IFT172: variants seen among roughly 807,000 people sequenced by gnomAD.
IFT172 encodes the protein intraflagellar transport 172, also known as intraflagellar transport protein 172 homolog.
A neutral mutation model predicts 248.9 loss-of-function variants in IFT172; 164 were observed. That is an observed-to-expected ratio of 0.66 (90% confidence interval 0.58 to 0.75). The LOEUF (loss-of-function observed/expected upper bound fraction) is 0.75. IFT172 is among the 30% of genes least tolerant of loss of function. IFT172 has a pLI of 0.00. For missense variants in IFT172, 1,950 were observed against 2,192.4 expected (o/e 0.89, Z 2.21); for synonymous variants, 729 against 791.6 (o/e 0.92, Z 1.33).
intron 25 of IFT172, 182 bp downstream of exon 25, chr2:27,459,195 TA>T: frequency 1.4e-6 from 1 of 735,280 alleles, no homozygotes; most frequent in Non-Finnish European, 2.2e-6. Flanking sequence ...TGAAGGGCGA[TA>T]TCTGTGTCAC....
intron 14 of IFT172, among the ~76,000 whole-genome samples, chr2:27,474,900 G>A (rs1667855374): frequency 6.6e-6 from 1 of 151,946 alleles, no homozygotes; most frequent in Admixed American, 6.6e-5. Context: ...ATTTTAAAGT[G>A]AAATGTCTGA....
chr2:27,477,122 G>A, intron 13 of IFT172, 95 bp downstream of exon 13: 1 of 1,136,090 alleles, frequency 8.8e-7, no homozygotes, highest in South Asian at 1.3e-5. Flanking sequence ...ACCACACCTG[G>A]CTGAAGCTTT....
chr2:27,452,004 TA>T (rs1665720313), intron 35 of IFT172, among the ~76,000 whole-genome samples: 1 of 151,790 alleles, frequency 6.6e-6, no homozygotes, highest in South Asian at 2.1e-4. Context: ...TATATATATA[TA>T]TATGTTATTG....
chr2:27,478,301 G>A, intron 10 of IFT172, 145 bp from the exon 11 acceptor site: 1 of 860,446 alleles, frequency 1.2e-6, no homozygotes, highest in Non-Finnish European at 1.8e-6. Context: ...TGATAGTAAT[G>A]ATATCTTATG....
rs967617779 is a variant in IFT172 at position 27,461,001 on chromosome 2, T to A, written c.2521+14A>T. 8 of 1,614,030 alleles carry A rather than the reference T, an allele frequency of 5.0e-6. No homozygotes were observed. In the African/African-American group the frequency reaches 9.3e-5, roughly 19 times the overall value. ...GTCCACAACAGTAAAGGATGGCTTA[T>A]AGGTGGCTAGTACCTTTCATGAATG... On this transcript the variant is annotated intron_variant, in intron 23 of 47. Coordinates refer to ENST00000260570, the MANE Select transcript of IFT172 (RefSeq NM_015662.3).
In IFT172 at chr2:27,483,628, G is replaced by C. The variant is rs1440225222; in HGVS notation, c.434C>G (p.Ser145Ter). Residue 145 changes from serine to a stop codon, truncating the protein, a stop_gained, in exon 6 of 48, where the codon TCA (serine) becomes TGA (stop). Coordinates refer to ENST00000260570, the MANE Select transcript of IFT172 (RefSeq NM_015662.3). LOFTEE classifies it high-confidence loss of function. ...VRLANTKTNK[S>*]STIYGTESYV... ...AGACTCTGTCCCATAGATGGTAGAT[G>C]ATTTATTAGTTTTGGTGTTTGCTAA... 1.2e-6 allele frequency: 2 copies of C among 1,614,162 alleles called. No homozygotes were observed. The highest frequency in any genetic ancestry group is 1.7e-6 in the Non-Finnish European group (2 of 1,180,036).
intron 1 of IFT172, among the ~76,000 whole-genome samples, chr2:27,485,769 G>A (rs1008788504): frequency 4.6e-5 from 7 of 152,148 alleles, no homozygotes; most frequent in Admixed American, 1.3e-4. Flanking sequence ...TCCCTGCAAC[G>A]GCCTCCTCGT....
intron 14 of IFT172, 84 bp from the exon 15 acceptor site, chr2:27,472,446 G>A: frequency 1.9e-6 from 2 of 1,050,344 alleles, no homozygotes; most frequent in East Asian, 2.4e-5. Flanking sequence ...TTGCTAGGAT[G>A]CCTAGGAAGC....
At position 27,453,463 on chromosome 2, in the gene IFT172, T is replaced by C. The variant is rs1057523019; in HGVS notation, c.3872A>G (p.Glu1291Gly). Residue 1291 changes from glutamate to glycine, a missense_variant, in exon 35 of 48, where the codon GAG becomes GGG. Glu to Gly is a moderately conservative substitution (Grantham distance 98). This residue lies in a region of IFT172 where 620 missense variants were observed against 699.0 expected (regional missense o/e 0.89). Transcript: ENST00000260570. ...GTAGCAGTCCACGGCACGGCTGTAC[T>C]CTCCAGCCTGCTCCCAGTGTCGAGC... The part of the protein sequence containing the change: ...EQARHWEQAG[E>G]YSRAVDCYLK... 2 of 1,614,110 alleles carry C rather than the reference T, an allele frequency of 1.2e-6. No homozygotes were observed. Among genetic ancestry groups the C allele is most frequent in the Non-Finnish European group, 1.7e-6 (2 of 1,179,974 alleles).
chr2:27,449,654 AAG>A, intron 37 of IFT172, 35 bp downstream of exon 37: 1 of 1,610,590 alleles, frequency 6.2e-7, no homozygotes, highest in Non-Finnish European at 8.5e-7. Context: ...AAGGAAGTAA[AAG>A]AGAATTTCGC....
At chr2:27,447,051 C>T (rs183155198) in intron 42 of IFT172, among the ~76,000 whole-genome samples, 3 of 151,690 alleles carry the variant, frequency 2.0e-5, no homozygotes, top group African/African-American at 7.3e-5. Flanking sequence ...CCACGTTGGC[C>T]AGGCTGGTCT....
intron 26 of IFT172, among the ~76,000 whole-genome samples, chr2:27,458,567 C>T (rs553321690): frequency 6.6e-6 from 1 of 152,304 alleles, no homozygotes; most frequent in East Asian, 1.9e-4. Context: ...AGCCCATCTG[C>T]TCCTTCAGAA....
At chr2:27,489,329 G>T (rs909040469) in intron 1 of IFT172, among the ~76,000 whole-genome samples, 27 of 152,114 alleles carry the variant, frequency 1.8e-4, no homozygotes, top group Non-Finnish European at 2.1e-4. Context: ...CCTCTAATAC[G>T]AGCCTCCTGA....
intron 33 of IFT172, 106 bp from the exon 34 acceptor site, chr2:27,453,845 C>A: frequency 7.2e-7 from 1 of 1,380,488 alleles, no homozygotes. Flanking sequence ...GACCTCTCTT[C>A]TCCTCCTCTT....
At chr2:27,468,620 C>T (rs79490373) in intron 16 of IFT172, among the ~76,000 whole-genome samples, 1 of 151,150 alleles carries the variant, frequency 6.6e-6, no homozygotes, top group African/African-American at 2.4e-5. Flanking sequence ...GATGCTGAGG[C>T]GGGCAGATCA....
At chr2:27,477,930 G>T in intron 11 of IFT172, 65 bp downstream of exon 11, 2 of 1,586,084 alleles carry the variant, frequency 1.3e-6, no homozygotes, top group Non-Finnish European at 1.7e-6. Context: ...TAGGGATTTT[G>T]GGTCCCCACA....
At chr2:27,449,665 G>A (rs774900594) in intron 37 of IFT172, 26 bp downstream of exon 37, 40 of 1,607,478 alleles carry the variant, frequency 2.5e-5, no homozygotes, top group African/African-American at 2.7e-5. Context: ...AGAGAATTTC[G>A]CAGTAAGAAG....
intron 10 of IFT172, 38 bp downstream of exon 10, chr2:27,479,471 C>T (rs749934685): frequency 1.0e-5 from 12 of 1,142,892 alleles, no homozygotes; most frequent in South Asian, 4.9e-5. Flanking sequence ...GAATGAGCCA[C>T]GCAAGTTCTC....
intron 11 of IFT172, 83 bp from the exon 12 acceptor site, chr2:27,477,695 G>A (rs1266058400): frequency 5.9e-6 from 6 of 1,017,948 alleles, no homozygotes; most frequent in Non-Finnish European, 3.1e-6. Context: ...AGGTTGGGAA[G>A]TGGAAAGATA....
Sources: gnomAD v4.1 joint callset for allele counts (sites outside exome capture counted in the v4.1 genomes callset) on GRCh38, gnomAD v4.1.1 for gene constraint, gnomAD v4.1.1 regional missense constraint, MANE v1.5 for transcripts, NCBI Gene and HGNC (gene_info 2026-07-23, HGNC 2026-07-21) for gene names.